STAB1: variants seen among roughly 807,000 people sequenced by gnomAD.
The protein encoded by STAB1 is stabilin 1.
Under a neutral mutation model 332.4 loss-of-function variants are expected in STAB1, and 250 were observed. The ratio of observed to expected loss-of-function variants is 0.75; its 90% CI spans 0.68 to 0.84. STAB1 has a LOEUF of 0.84. Ranked by LOEUF, STAB1 falls within the 40% of genes least tolerant of loss-of-function variation. The probability of loss-of-function intolerance (pLI) is 0.00; values close to 1 mark genes in which losing one functional copy is unlikely to be tolerated. For synonymous variants in STAB1, 1,475 were observed against 1,390.4 expected, an observed-to-expected ratio of 1.06 and a Z score of -1.35; for missense variants, 3,249 against 3,489.7, an observed-to-expected ratio of 0.93 and a Z score of 1.74.
Position 52,513,127 on chromosome 3 carries a change from C to A in STAB1, c.3159-3C>A. Reference sequence around the variant, plus strand: ...ATGACCCCCCTAAACTGTGCCCTGTCAGGGCCCATTTTCTCCAGGGTGCCC... The same window carrying A: ...ATGACCCCCCTAAACTGTGCCCTGTAAGGGCCCATTTTCTCCAGGGTGCCC... On this transcript the variant is annotated splice_polypyrimidine_tract_variant and splice_region_variant and intron_variant, in intron 29 of 68. Transcript: ENST00000321725. 6.4e-7 allele frequency: 1 copy of A among 1,563,304 alleles called. No individual in the cohort carries two copies. The highest frequency in any genetic ancestry group is 1.2e-5 in the South Asian group (1 of 85,058).
At position 52,520,138 on chromosome 3, in the gene STAB1, C is replaced by G; in HGVS notation, c.5412+18C>G. The G allele has an allele frequency of 6.2e-7, 1 of 1,612,378 alleles. No individual in the cohort carries two copies. Among genetic ancestry groups the G allele is most frequent in the African/African-American group, 1.3e-5 (1 of 75,068 alleles). ...ATGTCGAGGTGGGTGCAGCCCCCAACCTTGGTCTTCACTGCCTGCAGCTCA... is the reference window on the plus strand; with the variant it reads ...ATGTCGAGGTGGGTGCAGCCCCCAAGCTTGGTCTTCACTGCCTGCAGCTCA... On this transcript the variant is annotated intron_variant, in intron 51 of 68. Transcript: ENST00000321725.
chr3:52,501,206 C>G lies in STAB1; in HGVS notation c.119C>G (p.Thr40Ser), dbSNP rs778375024. 1.2e-6 allele frequency: 2 copies of G among 1,613,778 alleles called. No homozygotes were observed. Among genetic ancestry groups the G allele is most frequent in the Admixed American group, 3.3e-5 (2 of 60,034 alleles). The change falls in exon 2 of 69, where the codon ACT (threonine) becomes AGT (serine). Residue 40 changes from threonine (T) to serine (S), a missense_variant. Transcript: ENST00000321725. ...TGTGATGTGAAAACCACGTTTGTCA[C>G]TCATGTACCCTGCACCTCGTGCGCG... ...KGCDVKTTFV[T>S]HVPCTSCAAI...
At chr3:52,504,697 C>G in intron 11 of STAB1, 42 bp from the exon 12 acceptor site, 2 of 1,613,388 alleles carry the variant, frequency 1.2e-6, no homozygotes. Flanking sequence ...GTGAAGAGGA[C>G]TGGCCCCCCG....
chr3:52,508,091 C>A, intron 20 of STAB1, 65 bp downstream of exon 20: 1 of 1,521,670 alleles, frequency 6.6e-7, no homozygotes, highest in Non-Finnish European at 9.0e-7. Context: ...CGGGGGCCCC[C>A]AAGCTGGGGC....
Position 52,517,600 on chromosome 3 carries a change from C to G in STAB1, c.4614C>G (p.Cys1538Trp). The part of the protein sequence containing the change: ...EGYSGDGIRT[C>W]ELLDPCSKNN... ...ACAGCGGGGATGGCATCCGGACCTG[C>G]GAGCTCCTGGACCCCTGCTCTAAGG... is the stretch of plus-strand genomic sequence containing the variant. Residue 1538 changes from cysteine to tryptophan, a missense_variant, in exon 44 of 69, where the codon TGC becomes TGG. By Grantham distance (215) the Cys-to-Trp change is radical. Coordinates refer to ENST00000321725, the MANE Select transcript of STAB1 (RefSeq NM_015136.3). 1 of 1,612,882 alleles carries G rather than the reference C, an allele frequency of 6.2e-7. No homozygotes were observed. Among genetic ancestry groups the G allele is most frequent in the Non-Finnish European group, 8.5e-7 (1 of 1,179,914 alleles).
intron 25 of STAB1, among the ~76,000 whole-genome samples, chr3:52,511,054 G>A (rs1049571895): frequency 7.9e-5 from 12 of 152,250 alleles, no homozygotes; most frequent in Admixed American, 4.6e-4. Context: ...GCACCAGCAC[G>A]TGGGGCCTTA....
In STAB1 at chr3:52,502,648, C is replaced by A; in HGVS notation, c.504C>A (p.His168Gln). 1 of 1,613,326 alleles carries A rather than the reference C, an allele frequency of 6.2e-7. No homozygotes were observed. The highest frequency in any genetic ancestry group is 8.5e-7 in the Non-Finnish European group (1 of 1,179,588). The change falls in exon 6 of 69, where the codon CAC (histidine) becomes CAA (glutamine). Residue 168 changes from histidine to glutamine, a missense_variant. Physicochemically the swap from His to Gln is conservative, Grantham distance 24. Transcript: ENST00000321725. ...PDCQSVCSCV[H>Q]GVCNHGPRGD... The stretch of plus-strand genomic sequence containing the variant: ...CCCTCCCAGTGTGCAGCTGTGTGCA[C>A]GGAGTGTGCAACCATGGGCCACGTG...
chr3:52,505,528 G>A, intron 14 of STAB1, 140 bp from the exon 15 acceptor site: 1 of 1,190,934 alleles, frequency 8.4e-7, no homozygotes, highest in South Asian at 1.5e-5. Context: ...CTGAGGTTCT[G>A]TGGTAGCATG....
chr3:52,518,697 C>T (rs745767674), intron 47 of STAB1, 26 bp from the exon 48 acceptor site: 6 of 1,612,006 alleles, frequency 3.7e-6, no homozygotes, highest in Middle Eastern at 1.7e-4. Context: ...GTCAGGGACC[C>T]CACTCCCCTC....
rs544886972 is a variant in STAB1, at chr3:52,513,035, G to C, written c.3158+77G>C. Reference sequence around the variant, plus strand: ...CCCTCCCCAGCGAGTCCTCAGCCTGGCAGGCACTCACCCCTTGGGGTGGGC... The same window carrying C: ...CCCTCCCCAGCGAGTCCTCAGCCTGCCAGGCACTCACCCCTTGGGGTGGGC... On this transcript the variant is annotated intron_variant, in intron 29 of 68. Coordinates refer to ENST00000321725, the MANE Select transcript of STAB1 (RefSeq NM_015136.3). 17 of 1,565,000 alleles carry C rather than the reference G, an allele frequency of 1.1e-5. No homozygotes were observed. In the Admixed American group the frequency reaches 3.1e-4, roughly 29 times the overall value.
Position 52,514,708 on chromosome 3 carries a change from T to G in STAB1, c.3686T>G (p.Val1229Gly). 6.2e-7 allele frequency: 1 copy of G among 1,612,932 alleles called. No homozygotes were observed. Among genetic ancestry groups the G allele is most frequent in the Non-Finnish European group, 8.5e-7 (1 of 1,179,920 alleles). ...VFYNHSGQPE[V>G]NHVPLEGPML... ...CTCCATCCCTCTCCCCAGCCTGAGG[T>G]GAACCATGTGCCACTGGAAGGCCCC... Residue 1229 changes from valine (V) to glycine (G), a missense_variant, in exon 35 of 69, where the codon GTG (valine) becomes GGG (glycine). Transcript: ENST00000321725.
Position 52,495,430 on chromosome 3 carries a change from G to C in STAB1, c.17G>C (p.Gly6Ala). The C allele has an allele frequency of 1.5e-6, 2 of 1,340,902 alleles. No homozygotes were observed. The highest frequency in any genetic ancestry group is 1.9e-6 in the Non-Finnish European group (2 of 1,039,364). The allele number at this position is 1,340,902 out of a possible 1,614,324, so 83.1% of individuals were successfully genotyped here. MAGPRGLLPLCLLAFC... is the reference protein window; with the variant it reads MAGPRALLPLCLLAFC... ...CCACCAGCCATGGCGGGGCCCCGGG[G>C]CCTCCTCCCACTCTGCCTCCTGGCC... is the stretch of plus-strand genomic sequence containing the variant. Residue 6 changes from glycine (G) to alanine (A), a missense_variant, in exon 1 of 69, where the codon GGC (glycine) becomes GCC (alanine). Transcript: ENST00000321725.
rs768115171 is a variant in STAB1 at position 52,521,875 on chromosome 3, AC to A, written c.6198del (p.Glu2067ArgfsTer45). ...AGCCTGTGTGTACCCCACCCTGTGC[AC>A]CCGAGGCTGTGTGCCGTGCAGGCAA... ...LQPVCTPPCA[P>X]EAVCRAGNSC... On this transcript the variant is annotated frameshift_variant, in exon 58 of 69. Transcript: ENST00000321725. LOFTEE classifies it high-confidence loss of function. 1.2e-6 allele frequency: 2 copies of A among 1,604,666 alleles called. No individual in the cohort carries two copies. Among genetic ancestry groups the A allele is most frequent in the Non-Finnish European group, 1.7e-6 (2 of 1,174,468 alleles).
Position 52,509,325 on chromosome 3 carries a change from G to A in STAB1, c.2347+4G>A, listed in dbSNP as rs1314575836. Reference sequence around the variant, plus strand: ...CATGGAGAGCAATGCCAGGAAGGTGGGTGGTCCTGGCTCAGGCCACCTCCT... The same window carrying A: ...CATGGAGAGCAATGCCAGGAAGGTGAGTGGTCCTGGCTCAGGCCACCTCCT... On this transcript the variant is annotated splice_donor_region_variant and intron_variant, in intron 22 of 68. Coordinates refer to ENST00000321725, the MANE Select transcript of STAB1 (RefSeq NM_015136.3). The A allele has an allele frequency of 6.2e-7, 1 of 1,612,510 alleles. No individual in the cohort carries two copies. The highest frequency in any genetic ancestry group is 8.5e-7 in the Non-Finnish European group (1 of 1,179,586).
rs1709499829 is a variant in STAB1, at chr3:52,514,156, C to T, written c.3489C>T (p.Tyr1163=). The T allele has an allele frequency of 1.2e-5, 20 of 1,613,442 alleles. No homozygotes were observed. Among genetic ancestry groups the T allele is most frequent in the Non-Finnish European group, 1.5e-5 (18 of 1,180,000 alleles). ...CCCAGATTGAGGCTGCCACTGCCTACACCATCTTTGTGCCCACCAACCGCT... is the reference window on the plus strand; with the variant it reads ...CCCAGATTGAGGCTGCCACTGCCTATACCATCTTTGTGCCCACCAACCGCT... ...LVPQIEAATA[Y]TIFVPTNRSL... The change falls in exon 33 of 69, where the codon TAC becomes TAT. Residue 1163 remains tyrosine, a synonymous_variant. Transcript: ENST00000321725.
chr3:52,511,927 G>A (rs1346736990), intron 26 of STAB1, among the ~76,000 whole-genome samples, 182 bp downstream of exon 26: 3 of 151,970 alleles, frequency 2.0e-5, no homozygotes, highest in Non-Finnish European at 2.9e-5. Flanking sequence ...GCCCAGCCTC[G>A]TCTCTCTGTT....
At chr3:52,507,549 TG>T in intron 18 of STAB1, 63 bp from the exon 19 acceptor site, 1 of 1,524,248 alleles carries the variant, frequency 6.6e-7, no homozygotes, top group Non-Finnish European at 9.0e-7. Context: ...TTCCCTTCTC[TG>T]GGTTTGCCGA....
At position 52,513,222 on chromosome 3, in the gene STAB1, A is replaced by G. The variant is rs771989070; in HGVS notation, c.3251A>G (p.Glu1084Gly). ...ACCCTGAACCCCACCACACGCTGGG[A>G]GATTCGCAACATTAGTGGGGTATGT... ...VATLNPTTRW[E>G]IRNISGRVWV... The change falls in exon 30 of 69, where the codon GAG (glutamate) becomes GGG (glycine). Residue 1084 changes from glutamate (E) to glycine (G), a missense_variant. Coordinates refer to ENST00000321725, the MANE Select transcript of STAB1 (RefSeq NM_015136.3). 2.0e-4 allele frequency: 317 copies of G among 1,582,046 alleles called. 1 individual carries two copies. Among genetic ancestry groups the G allele is most frequent in the Non-Finnish European group, 2.3e-4 (271 of 1,164,878 alleles).
rs1292718596 is a variant in STAB1, at chr3:52,523,211, C to T, written c.7021-11C>T. 3.7e-6 allele frequency: 6 copies of T among 1,613,016 alleles called. No homozygotes were observed. The highest frequency in any genetic ancestry group is 5.1e-6 in the Non-Finnish European group (6 of 1,179,970). ...GAGCCTGCTCATAGTTCTGTCTTTC[C>T]ACCGTGCCAGATGCTATTGGGCTAT... On this transcript the variant is annotated splice_polypyrimidine_tract_variant and intron_variant, in intron 63 of 68. Coordinates refer to ENST00000321725, the MANE Select transcript of STAB1 (RefSeq NM_015136.3).
Sources: gnomAD v4.1 joint callset for allele counts (sites outside exome capture counted in the v4.1 genomes callset) on GRCh38, gnomAD v4.1.1 for gene constraint, MANE v1.5 for transcripts, NCBI Gene and HGNC (gene_info 2026-07-23, HGNC 2026-07-21) for gene names.